The following ZBTB49 variants were observed in gnomAD, a reference collection of about 807,000 sequenced individuals.
ZBTB49 encodes zinc finger and BTB domain containing 49.
ZBTB49 carries 43 observed loss-of-function variants against 57.5 expected under a neutral mutation model. The ratio of observed to expected loss-of-function variants is 0.75; its 90% CI spans 0.59 to 0.97. ZBTB49 has a LOEUF of 0.97. Ranked by LOEUF, ZBTB49 falls within the 50% of genes least tolerant of loss-of-function variation. The pLI, the probability that ZBTB49 is intolerant of heterozygous loss-of-function variation, is 0.00. For missense variants in ZBTB49, 938 were observed against 947.7 expected, an observed-to-expected ratio of 0.99 and a Z score of 0.13; for synonymous variants, 369 against 362.1, an observed-to-expected ratio of 1.02 and a Z score of -0.22.
intron 4 of ZBTB49, among the ~76,000 whole-genome samples, chr4:4,308,068 G>A (rs1182836245): frequency 6.6e-6 from 1 of 152,036 alleles, no homozygotes; most frequent in Non-Finnish European, 1.5e-5. Context: ...CTTAGGTATT[G>A]ATGTTTTATT....
chr4:4,309,395 C>G (rs1231205350), intron 4 of ZBTB49, among the ~76,000 whole-genome samples: 4 of 152,146 alleles, frequency 2.6e-5, no homozygotes, highest in African/African-American at 9.7e-5. Flanking sequence ...GGAAGTGTTT[C>G]CTCTGTGGCG....
chr4:4,297,117 C>G (rs186085841), intron 1 of ZBTB49, among the ~76,000 whole-genome samples: 113 of 152,278 alleles, frequency 7.4e-4, no homozygotes, highest in Non-Finnish European at 1.5e-3. Flanking sequence ...GTCGCCTAGG[C>G]TAGAGTGCAA....
At chr4:4,317,015 G>T (rs149874144) in intron 7 of ZBTB49, among the ~76,000 whole-genome samples, 1 of 152,210 alleles carries the variant, frequency 6.6e-6, no homozygotes, top group East Asian at 1.9e-4. Flanking sequence ...GGGTGACAGC[G>T]AGAGCTTCAT....
Position 4,291,921 on chromosome 4 carries a change from G to A in ZBTB49, c.-20+1569G>A, listed in dbSNP as rs78287018. ...CGAGGCAGGCAGCTCCTGAGGTCAA[G>A]AGATAGAGACCAGCCTGGCCAACAT... On this transcript the variant is annotated intron_variant, in intron 1 of 7. Transcript: ENST00000337872. Among the ~76,000 whole-genome samples the A allele has an allele frequency of 1.3e-3, 199 of 152,222 alleles. 1 individual carries two copies. Among genetic ancestry groups the A allele is most frequent in the African/African-American group, 4.6e-3 (191 of 41,534 alleles).
chr4:4,315,079 G>T (rs1721130299), intron 5 of ZBTB49, among the ~76,000 whole-genome samples: 1 of 152,220 alleles, frequency 6.6e-6, no homozygotes, highest in African/African-American at 2.4e-5. Context: ...GAGGGTGACA[G>T]CCATACCTCT....
At chr4:4,299,776 G>GTTGTGTGTGTGTGTGTGT (rs1553803868) in intron 1 of ZBTB49, among the ~76,000 whole-genome samples, 151 bp from the exon 2 acceptor site, 1 of 103,636 alleles carries the variant, frequency 9.6e-6, no homozygotes, top group Non-Finnish European at 2.5e-5. Context: ...CAGAAACAGA[G>GTTGTGTGTGTGTGTGTGT]GTGTGTGTGT....
At chr4:4,301,885 C>G in intron 2 of ZBTB49, 104 bp from the exon 3 acceptor site, 1 of 1,161,274 alleles carries the variant, frequency 8.6e-7, no homozygotes, top group East Asian at 3.0e-5. Flanking sequence ...TTTTGACATT[C>G]ACAGAAGGAT....
chr4:4,298,912 G>T (rs138403969), intron 1 of ZBTB49, among the ~76,000 whole-genome samples: 1 of 152,212 alleles, frequency 6.6e-6, no homozygotes, highest in Admixed American at 6.5e-5. Flanking sequence ...GCACTTTCGT[G>T]TGTGTGTTTC....
intron 2 of ZBTB49, among the ~76,000 whole-genome samples, chr4:4,301,125 A>C (rs1291352124): frequency 6.6e-6 from 1 of 152,178 alleles, no homozygotes; most frequent in Non-Finnish European, 1.5e-5. Context: ...AGGACAGTTA[A>C]ATTTTGATAT....
rs1719826306 is a variant in ZBTB49, at chr4:4,290,321, GT to G, written c.-50del. ...TGAAGGCAGCTGCTGCAGGTGAAGA[GT>G]AGGCGGCGGGGCAGAGAGCGGCCTC... On this transcript the variant is annotated 5_prime_UTR_variant, in exon 1 of 8. Transcript: ENST00000337872. 1 of 152,600 alleles carries G rather than the reference GT, an allele frequency of 6.6e-6. No homozygotes were observed. The highest frequency in any genetic ancestry group is 1.5e-5 in the Non-Finnish European group (1 of 68,326). The allele number at this position is 152,600 out of a possible 1,614,324, so 9.5% of individuals were successfully genotyped here.
intron 4 of ZBTB49, among the ~76,000 whole-genome samples, chr4:4,309,335 A>G (rs1424355333): frequency 6.6e-6 from 1 of 152,152 alleles, no homozygotes; most frequent in Non-Finnish European, 1.5e-5. Flanking sequence ...GTCATACTTT[A>G]ACGGAAGAGT....
At chr4:4,294,872 C>CATGTGTGTGTGT (rs1553803053) in intron 1 of ZBTB49, among the ~76,000 whole-genome samples, 2 of 138,010 alleles carry the variant, frequency 1.4e-5, no homozygotes, top group African/African-American at 5.3e-5. Flanking sequence ...AGGAGGGTTT[C>CATGTGTGTGTGT]GTGTGTGTGT....
Position 4,303,001 on chromosome 4 carries a change from C to T in ZBTB49, c.1165C>T (p.Leu389Phe), listed in dbSNP as rs770604437. The change falls in exon 3 of 8, where the codon CTT (leucine) becomes TTT (phenylalanine). Residue 389 changes from leucine to phenylalanine, a missense_variant. Around this residue, in one of 3 missense-constraint regions of ZBTB49, gnomAD observed 835 missense variants for 819.1 expected, o/e 1.02. Coordinates refer to ENST00000337872, the MANE Select transcript of ZBTB49 (RefSeq NM_145291.4). ...TGCCCTGGAAGACCAGTCCCAGACA[C>T]TTCAGTCCCAGAGACAATACGCGTG... ...PAALEDQSQT[L>F]QSQRQYACEL... 1.9e-6 allele frequency: 3 copies of T among 1,614,100 alleles called. No homozygotes were observed. The Admixed American group carries it at 5.0e-5, about 27-fold the overall frequency.
chr4:4,293,225 GA>G (rs895429448), intron 1 of ZBTB49, among the ~76,000 whole-genome samples: 2 of 152,288 alleles, frequency 1.3e-5, no homozygotes, highest in African/African-American at 4.8e-5. Flanking sequence ...CTTCACCACA[GA>G]AAATTTTTAC....
chr4:4,321,110 C>T lies in ZBTB49; in HGVS notation c.2092C>T (p.Pro698Ser), dbSNP rs1577252310. ...CTATGCTTACTCGGATGTGGACACC[C>T]CAGCCGGTGGCGAACCACTGCAGGC... is the stretch of plus-strand genomic sequence containing the variant. The part of the protein sequence containing the change: ...QAYAYSDVDT[P>S]AGGEPLQADG... The change falls in exon 8 of 8, where the codon CCA becomes TCA. Residue 698 changes from proline (P) to serine (S), a missense_variant. Coordinates refer to ENST00000337872, the MANE Select transcript of ZBTB49 (RefSeq NM_145291.4). 1.9e-6 allele frequency: 3 copies of T among 1,614,162 alleles called. No individual in the cohort carries two copies. Among genetic ancestry groups the T allele is most frequent in the Middle Eastern group, 1.6e-4 (1 of 6,062 alleles).
intron 4 of ZBTB49, among the ~76,000 whole-genome samples, chr4:4,311,855 TAAATG>T (rs1018203286): frequency 1.8e-4 from 27 of 152,236 alleles, no homozygotes; most frequent in Non-Finnish European, 3.4e-4. Context: ...ATCATATTCT[TAAATG>T]TAATGTCTAA....
chr4:4,317,372 T>G (rs1397732575), intron 7 of ZBTB49, among the ~76,000 whole-genome samples: 1 of 152,238 alleles, frequency 6.6e-6, no homozygotes, highest in East Asian at 1.9e-4. Flanking sequence ...CAATTTAAAG[T>G]GAACAATTCA....
At chr4:4,305,778 G>A (rs1720707984) in intron 3 of ZBTB49, among the ~76,000 whole-genome samples, 1 of 152,174 alleles carries the variant, frequency 6.6e-6, no homozygotes, top group South Asian at 2.1e-4. Context: ...TGGTGGTTGG[G>A]TGGCATCAGG....
At chr4:4,298,271 G>A (rs1720309248) in intron 1 of ZBTB49, among the ~76,000 whole-genome samples, 1 of 152,180 alleles carries the variant, frequency 6.6e-6, no homozygotes, top group Non-Finnish European at 1.5e-5. Context: ...CACATACTTG[G>A]AGTAATGGGA....
Sources: gnomAD v4.1 joint callset for allele counts (sites outside exome capture counted in the v4.1 genomes callset) on GRCh38, gnomAD v4.1.1 for gene constraint, gnomAD v4.1.1 regional missense constraint, MANE v1.5 for transcripts, NCBI Gene and HGNC (gene_info 2026-07-23, HGNC 2026-07-21) for gene names.